The following CCDC3 variants were observed in gnomAD, a reference collection of about 807,000 sequenced individuals.
CCDC3 encodes the protein coiled-coil domain-containing protein 3.
Under a neutral mutation model 21.4 loss-of-function variants are expected in CCDC3, and 24 were observed. The observed-to-expected ratio is 1.12, with a 90% confidence interval of 0.81 to 1.58. The LOEUF is 1.58. Ranked by LOEUF, CCDC3 falls within the 40% of genes most tolerant of loss-of-function variation. The pLI is 0.00. For missense variants in CCDC3, 425 were observed against 360.9 expected (o/e 1.18, Z -1.44); for synonymous variants, 186 against 166.0 (o/e 1.12, Z -0.93).
chr10:13,048,254 C>T lies in CCDC3; in HGVS notation c.-2+1420G>A, dbSNP rs576480843. On this transcript the variant is annotated intron_variant, in intron 5 of 6. Coordinates refer to the CCDC3 transcript ENST00000378839. ...GTTGCCAGACTGGAGTGCAGTGGCG[C>T]GATCTCAGCTCACTGCAGCCTCTGC... Among the ~76,000 whole-genome samples the T allele has an allele frequency of 5.0e-4, 76 of 152,136 alleles. No individual in the cohort carries two copies. In the Middle Eastern group the frequency reaches 0.014, roughly 27 times the overall value.
intron 2 of CCDC3, among the ~76,000 whole-genome samples, chr10:12,981,799 G>C (rs1453111376): frequency 1.3e-5 from 2 of 152,030 alleles, no homozygotes; most frequent in Non-Finnish European, 2.9e-5. Context: ...GTGAGTCATA[G>C]TGATACCACA....
At chr10:13,068,858 T>C (rs910612652) in intron 4 of CCDC3, among the ~76,000 whole-genome samples, 1 of 152,224 alleles carries the variant, frequency 6.6e-6, no homozygotes, top group African/African-American at 2.4e-5. Context: ...TAGCAAAAGA[T>C]GATAAGAAGG....
intron 2 of CCDC3, among the ~76,000 whole-genome samples, chr10:12,967,486 TA>T (rs1835278909): frequency 6.6e-6 from 1 of 152,088 alleles, no homozygotes; most frequent in South Asian, 2.1e-4. Flanking sequence ...CAATTATTTT[TA>T]AAAAATCAAA....
rs567530588 is a variant in CCDC3, at chr10:13,057,824, T to C, written c.-269-7883A>G. Reference sequence around the variant, plus strand: ...GAACCCAGGGAGGCGGAGGTTGCAGTGAGCTGAGATCCCGCCATGGTACTC... The same window carrying C: ...GAACCCAGGGAGGCGGAGGTTGCAGCGAGCTGAGATCCCGCCATGGTACTC... On this transcript the variant is annotated intron_variant, in intron 4 of 6. Coordinates refer to the CCDC3 transcript ENST00000378839. 7.5e-4 allele frequency: 231 copies of C among 306,404 alleles called. 1 individual carries two copies. Among genetic ancestry groups the C allele is most frequent in the African/African-American group, 4.7e-3 (213 of 45,442 alleles). The allele number at this position is 306,404 out of a possible 1,614,324, so 19.0% of individuals were successfully genotyped here. A position where few individuals can be genotyped will look rare whatever the true frequency, so the allele number is the denominator to read the frequency against.
intron 4 of CCDC3, chr10:13,058,509 C>T (rs1836712142): frequency 2.7e-6 from 2 of 744,830 alleles, no homozygotes; most frequent in Non-Finnish European, 4.9e-6. Flanking sequence ...TATCTCTGTT[C>T]GTTACACAAA....
chr10:12,947,900 G>A (rs1371436544), intron 2 of CCDC3, among the ~76,000 whole-genome samples: 1 of 152,210 alleles, frequency 6.6e-6, no homozygotes, highest in African/African-American at 2.4e-5. Context: ...TCAGCTCATA[G>A]ATGGGAGAAA....
intron 2 of CCDC3, among the ~76,000 whole-genome samples, chr10:12,931,497 G>GC (rs1470279479): frequency 6.6e-6 from 1 of 152,192 alleles, no homozygotes; most frequent in Admixed American, 6.5e-5. Context: ...TCTGAAAGGT[G>GC]CAAGTGGAAG....
rs1397350402 is a variant in CCDC3, at chr10:12,910,600, A to AG, written c.550-11922_550-11921insC. ...TTTCAATAACTAGTCAGAGCAAAAA[A>AG]AAAAAAAAAAATTTTTTTTTTTTTT... On this transcript the variant is annotated intron_variant, in intron 2 of 2. Transcript: ENST00000378825. Among the ~76,000 whole-genome samples, 14 of 122,820 alleles carry AG rather than the reference A, an allele frequency of 1.1e-4. No homozygotes were observed. In the East Asian group the frequency reaches 1.6e-3, roughly 14 times the overall value. The allele number at this position is 122,820 out of a possible 152,430, so 80.6% of individuals were successfully genotyped here.
At chr10:12,954,138 G>A (rs1835049232) in intron 2 of CCDC3, among the ~76,000 whole-genome samples, 1 of 152,162 alleles carries the variant, frequency 6.6e-6, no homozygotes, top group Non-Finnish European at 1.5e-5. Context: ...GATTTAACTA[G>A]TTGATCAGAT....
chr10:12,933,174 G>T (rs1039051185), intron 2 of CCDC3, among the ~76,000 whole-genome samples: 4 of 152,258 alleles, frequency 2.6e-5, no homozygotes, highest in African/African-American at 9.6e-5. Context: ...TGTAGAATGA[G>T]TTAGGAGAGA....
intron 5 of CCDC3, among the ~76,000 whole-genome samples, chr10:13,047,094 G>T (rs1452497814): frequency 1.3e-5 from 2 of 152,192 alleles, no homozygotes; most frequent in Admixed American, 1.3e-4. Context: ...AGAGGAGACA[G>T]AACAGAGAGA....
chr10:12,909,450 G>T (rs1193755959), intron 2 of CCDC3, among the ~76,000 whole-genome samples: 1 of 152,210 alleles, frequency 6.6e-6, no homozygotes, highest in East Asian at 1.9e-4. Flanking sequence ...CCCTGCCCAT[G>T]GAGTGTGGGT....
intron 2 of CCDC3, among the ~76,000 whole-genome samples, chr10:12,899,743 C>T (rs145735693): frequency 2.0e-5 from 3 of 152,026 alleles, no homozygotes; most frequent in Admixed American, 1.3e-4. Context: ...CATCTGTGTC[C>T]GTTTAAATAT....
intron 2 of CCDC3, among the ~76,000 whole-genome samples, chr10:12,907,382 C>T (rs1201469807): frequency 6.6e-5 from 10 of 152,160 alleles, no homozygotes; most frequent in Non-Finnish European, 1.2e-4. Context: ...CAGTGGCTCA[C>T]GCCTGTAATC....
At chr10:12,929,361 C>G (rs1386415986) in intron 2 of CCDC3, among the ~76,000 whole-genome samples, 1 of 151,768 alleles carries the variant, frequency 6.6e-6, no homozygotes, top group African/African-American at 2.4e-5. Context: ...GTCTTTAAGT[C>G]ACCAAAACAA....
chr10:13,073,657 G>C (rs1836914550), intron 4 of CCDC3, among the ~76,000 whole-genome samples: 1 of 151,978 alleles, frequency 6.6e-6, no homozygotes, highest in African/African-American at 2.4e-5. Flanking sequence ...ACCACGTTCG[G>C]CTAATTTTTT....
At chr10:12,991,325 G>T (rs566826454) in intron 2 of CCDC3, among the ~76,000 whole-genome samples, 2,305 of 148,766 alleles carry the variant, frequency 0.015, 26 homozygotes, top group Non-Finnish European at 0.022. Flanking sequence ...TTGTTGTTTT[G>T]TTTTTTTTTC....
chr10:13,074,012 A>C (rs1361409565), exon 4 of CCDC3: 1 of 151,864 alleles, frequency 6.6e-6, no homozygotes, highest in Non-Finnish European at 1.5e-5. Flanking sequence ...AGTCTCTTGA[A>C]GAATTCCATT....
intron 2 of CCDC3, among the ~76,000 whole-genome samples, chr10:12,937,598 G>C (rs1834760758): frequency 6.6e-6 from 1 of 152,116 alleles, no homozygotes; most frequent in South Asian, 2.1e-4. Flanking sequence ...AAAATGTTGG[G>C]ATTGAAAAAT....
Sources: allele counts gnomAD v4.1 joint callset (sites outside exome capture counted in the v4.1 genomes callset), GRCh38; gene constraint gnomAD v4.1.1; transcripts MANE v1.5; gene names NCBI Gene and HGNC (gene_info 2026-07-23, HGNC 2026-07-21).